The following ITFG1 variants were observed in gnomAD, a reference collection of about 807,000 sequenced individuals.
ITFG1 encodes T-cell immunomodulatory protein.
A neutral mutation model predicts 81.8 loss-of-function variants in ITFG1; 34 were observed. The ratio of observed to expected loss-of-function variants is 0.42; its 90% CI spans 0.32 to 0.55. The LOEUF (loss-of-function observed/expected upper bound fraction) is 0.55. ITFG1 is among the 20% of genes least tolerant of loss of function. The pLI is 0.17. For synonymous variants in ITFG1, 285 were observed against 270.6 expected (o/e 1.05, Z -0.52); for missense variants, 672 against 755.4 (o/e 0.89, Z 1.29).
intron 8 of ITFG1, among the ~76,000 whole-genome samples, chr16:47,317,260 T>C (rs891469521): frequency 6.6e-6 from 1 of 152,190 alleles, no homozygotes; most frequent in Non-Finnish European, 1.5e-5. Context: ...CTAAAACTGA[T>C]TTAGAGAAAA....
intron 10 of ITFG1, among the ~76,000 whole-genome samples, chr16:47,305,531 G>A (rs1384510883): frequency 6.6e-6 from 1 of 151,954 alleles, no homozygotes; most frequent in African/African-American, 2.4e-5. Context: ...GAATGAAACA[G>A]AAGACAAAAA....
intron 6 of ITFG1, among the ~76,000 whole-genome samples, chr16:47,377,826 C>T (rs141180109): frequency 6.6e-6 from 1 of 152,164 alleles, no homozygotes; most frequent in African/African-American, 2.4e-5. Context: ...TCTATCCCTG[C>T]TGTTTCTATG....
intron 14 of ITFG1, among the ~76,000 whole-genome samples, chr16:47,211,898 T>A (rs1348027828): frequency 6.6e-6 from 1 of 152,082 alleles, no homozygotes; most frequent in African/African-American, 2.4e-5. Context: ...TATAATGCTG[T>A]ATGTGTTCTA....
At chr16:47,399,348 C>A (rs1285510454) in intron 6 of ITFG1, among the ~76,000 whole-genome samples, 1 of 152,092 alleles carries the variant, frequency 6.6e-6, no homozygotes, top group Non-Finnish European at 1.5e-5. Context: ...CCAAGGCGGG[C>A]AGATCATAAG....
At chr16:47,329,661 T>C (rs540393653) in intron 8 of ITFG1, among the ~76,000 whole-genome samples, 4 of 152,298 alleles carry the variant, frequency 2.6e-5, no homozygotes, top group Non-Finnish European at 2.9e-5. Context: ...ATGAGTTTTA[T>C]ACATGTATTA....
intron 8 of ITFG1, among the ~76,000 whole-genome samples, chr16:47,315,311 A>G (rs978471765): frequency 1.3e-5 from 2 of 152,010 alleles, no homozygotes; most frequent in African/African-American, 4.8e-5. Context: ...CATATATCAC[A>G]GCTTAAAAAA....
At chr16:47,355,972 A>G (rs1173564346) in intron 8 of ITFG1, among the ~76,000 whole-genome samples, 5 of 152,218 alleles carry the variant, frequency 3.3e-5, no homozygotes, top group Non-Finnish European at 5.9e-5. Flanking sequence ...ATATACTAGT[A>G]GGTCACTGTT....
intron 14 of ITFG1, among the ~76,000 whole-genome samples, chr16:47,168,016 ACAG>A (rs1964914915): frequency 6.6e-6 from 1 of 152,214 alleles, no homozygotes; most frequent in African/African-American, 2.4e-5. Flanking sequence ...ATTGTTTTTC[ACAG>A]CAGCTGCACC....
At chr16:47,435,193 AG>A (rs1969149848) in intron 5 of ITFG1, among the ~76,000 whole-genome samples, 1 of 152,212 alleles carries the variant, frequency 6.6e-6, no homozygotes, top group South Asian at 2.1e-4. Flanking sequence ...TAAAAGCTAA[AG>A]AAAAAAAGTT....
At chr16:47,224,242 C>A (rs908581020) in intron 13 of ITFG1, among the ~76,000 whole-genome samples, 4 of 152,134 alleles carry the variant, frequency 2.6e-5, no homozygotes, top group African/African-American at 9.7e-5. Flanking sequence ...AGAAAATAAT[C>A]ATCAGCAATT....
chr16:47,340,421 A>G (rs555250489), intron 8 of ITFG1, among the ~76,000 whole-genome samples: 10 of 152,324 alleles, frequency 6.6e-5, no homozygotes, highest in Admixed American at 6.5e-4. Context: ...GCTATATAGT[A>G]GCAGAGTTTT....
intron 5 of ITFG1, among the ~76,000 whole-genome samples, chr16:47,447,894 T>C (rs1290126880): frequency 6.6e-6 from 1 of 152,156 alleles, no homozygotes; most frequent in East Asian, 1.9e-4. Flanking sequence ...TGATGTAACG[T>C]TTCCATGGAA....
At chr16:47,442,828 G>T (rs144000084) in intron 5 of ITFG1, among the ~76,000 whole-genome samples, 42 of 152,272 alleles carry the variant, frequency 2.8e-4, no homozygotes, top group African/African-American at 8.9e-4. Flanking sequence ...TACCATTCAG[G>T]ATATAGGCAT....
chr16:47,300,500 G>A (rs1195430027), intron 10 of ITFG1, among the ~76,000 whole-genome samples: 2 of 152,200 alleles, frequency 1.3e-5, no homozygotes, highest in Non-Finnish European at 2.9e-5. Flanking sequence ...AAGACCTGGA[G>A]GAACTGGAGA....
chr16:47,172,871 A>C (rs1431659734), intron 14 of ITFG1, among the ~76,000 whole-genome samples: 1 of 152,122 alleles, frequency 6.6e-6, no homozygotes, highest in Non-Finnish European at 1.5e-5. Context: ...CTGCAGTTTC[A>C]CTCAGATTAC....
At chr16:47,458,172 C>T (rs1969477151) in intron 2 of ITFG1, among the ~76,000 whole-genome samples, 1 of 152,214 alleles carries the variant, frequency 6.6e-6, no homozygotes, top group South Asian at 2.1e-4. Context: ...TTCCCCTCTT[C>T]TAATGGGACA....
chr16:47,171,601 G>T (rs1338237762), intron 14 of ITFG1, among the ~76,000 whole-genome samples: 2 of 151,758 alleles, frequency 1.3e-5, no homozygotes, highest in African/African-American at 4.8e-5. Context: ...TTCTTTTCAA[G>T]TTCCTTATGG....
chr16:47,437,277 G>A (rs1181369918), intron 5 of ITFG1, among the ~76,000 whole-genome samples: 3 of 152,056 alleles, frequency 2.0e-5, no homozygotes, highest in Admixed American at 6.6e-5. Context: ...ACCAGCCTGA[G>A]CAATATAGTG....
At chr16:47,370,206 G>A (rs950720580) in intron 7 of ITFG1, among the ~76,000 whole-genome samples, 18 of 152,166 alleles carry the variant, frequency 1.2e-4, no homozygotes, top group Middle Eastern at 3.4e-3. Flanking sequence ...ATGGGTCCCC[G>A]GTGAAACCCG....
Sources: allele counts gnomAD v4.1 joint callset (sites outside exome capture counted in the v4.1 genomes callset), GRCh38; gene constraint gnomAD v4.1.1; transcripts MANE v1.5; gene names NCBI Gene and HGNC (gene_info 2026-07-23, HGNC 2026-07-21).